The following CSNK1G1 variants were observed in gnomAD, a reference collection of about 807,000 sequenced individuals.
CSNK1G1 encodes casein kinase 1 gamma 1.
Under a neutral mutation model 59.6 loss-of-function variants are expected in CSNK1G1, and 22 were observed. The ratio of observed to expected loss-of-function variants is 0.37; its 90% CI spans 0.26 to 0.53. The LOEUF is 0.53. Among genes scored for constraint, CSNK1G1 ranks in the 20% least tolerant of loss-of-function variants. CSNK1G1 has a pLI of 0.89. For synonymous variants in CSNK1G1, 179 were observed against 177.1 expected, an observed-to-expected ratio of 1.01 and a Z score of -0.08; for missense variants, 384 against 519.5, an observed-to-expected ratio of 0.74 and a Z score of 2.54.
chr15:64,314,019 A>G (rs996854470), intron 1 of CSNK1G1, among the ~76,000 whole-genome samples: 1 of 152,216 alleles, frequency 6.6e-6, no homozygotes, highest in Admixed American at 6.5e-5. Flanking sequence ...TCACAAACAC[A>G]TGAATTAAAA....
At chr15:64,183,381 T>C (rs947366501) in intron 10 of CSNK1G1, among the ~76,000 whole-genome samples, 2 of 152,198 alleles carry the variant, frequency 1.3e-5, no homozygotes, top group African/African-American at 4.8e-5. Flanking sequence ...TTAAACTTAA[T>C]TGTACCAAAA....
chr15:64,293,089 A>T (rs1007444848), intron 2 of CSNK1G1, among the ~76,000 whole-genome samples: 1 of 152,174 alleles, frequency 6.6e-6, no homozygotes, highest in Non-Finnish European at 1.5e-5. Context: ...ATTCAGCAGA[A>T]GGCTCAAAAC....
At chr15:64,185,898 C>T (rs1164479314) in intron 10 of CSNK1G1, among the ~76,000 whole-genome samples, 2 of 149,820 alleles carry the variant, frequency 1.3e-5, no homozygotes, top group African/African-American at 4.9e-5. Context: ...AAGAAATATG[C>T]TTATTTTGTA....
At chr15:64,179,199 T>C (rs912866912) in intron 11 of CSNK1G1, among the ~76,000 whole-genome samples, 7 of 152,074 alleles carry the variant, frequency 4.6e-5, no homozygotes, top group Non-Finnish European at 1.0e-4. Context: ...TTAGCCATGA[T>C]CGTGCCACTG....
chr15:64,227,724 A>C (rs2082481151), intron 4 of CSNK1G1, among the ~76,000 whole-genome samples: 1 of 152,218 alleles, frequency 6.6e-6, no homozygotes. Context: ...TGTAAGGAAA[A>C]ACAGGGGAAG....
At chr15:64,266,307 A>G (rs1892983696) in intron 2 of CSNK1G1, among the ~76,000 whole-genome samples, 1 of 151,790 alleles carries the variant, frequency 6.6e-6, no homozygotes, top group Non-Finnish European at 1.5e-5. Flanking sequence ...TGATCCACTG[A>G]CCTCGTGATC....
chr15:64,291,610 T>A lies in CSNK1G1; in HGVS notation c.181+8709A>T, dbSNP rs1028200373. 4.6e-5 allele frequency among the ~76,000 whole-genome samples: 7 copies of A among 152,180 alleles called. No homozygotes were observed. In the South Asian group the frequency reaches 1.2e-3, roughly 27 times the overall value. ...TCTCAAAAATAAAATAAAATAAAAT[T>A]ATGTTTCATCTTAAGCCTGCATTCT... On this transcript the variant is annotated intron_variant, in intron 2 of 11. Transcript: ENST00000303052.
chr15:64,206,323 C>T (rs2082179600), intron 7 of CSNK1G1, among the ~76,000 whole-genome samples: 1 of 152,064 alleles, frequency 6.6e-6, no homozygotes, highest in South Asian at 2.1e-4. Context: ...GCCTGTAGTC[C>T]CAGCTACTCA....
At chr15:64,294,636 A>AGTG (rs1351498851) in intron 2 of CSNK1G1, among the ~76,000 whole-genome samples, 3 of 151,978 alleles carry the variant, frequency 2.0e-5, no homozygotes, top group Admixed American at 6.6e-5. Flanking sequence ...AAGGGCCAGG[A>AGTG]GTGGTGGCTC....
chr15:64,343,622 T>C (rs1046703140), intron 1 of CSNK1G1, among the ~76,000 whole-genome samples: 4 of 152,042 alleles, frequency 2.6e-5, no homozygotes, highest in African/African-American at 9.7e-5. Flanking sequence ...CCCCTCTAAA[T>C]TACTGTAATG....
In CSNK1G1 at chr15:64,216,509, G is replaced by C; in HGVS notation, c.444+53C>G. ...AGTAAATCACCAAAAGGCCCACAAGGATGTGGCTGAGGAACCAGCTTATTC... is the reference window on the plus strand; with the variant it reads ...AGTAAATCACCAAAAGGCCCACAAGCATGTGGCTGAGGAACCAGCTTATTC... On this transcript the variant is annotated intron_variant, in intron 5 of 11. Transcript: ENST00000303052. The surrounding 1 kb of genome is among the most constrained non-coding windows in gnomAD (Gnocchi z 4.6). The C allele has an allele frequency of 6.4e-7, 1 of 1,559,576 alleles. No individual in the cohort carries two copies. The highest frequency in any genetic ancestry group is 8.8e-7 in the Non-Finnish European group (1 of 1,134,236).
chr15:64,199,772 G>C (rs118049617), intron 10 of CSNK1G1, among the ~76,000 whole-genome samples: 8 of 152,052 alleles, frequency 5.3e-5, no homozygotes, highest in African/African-American at 1.9e-4. Context: ...AGAGTTGCTC[G>C]AACCCGGGAG....
chr15:64,173,819 G>A (rs2081707237), intron 11 of CSNK1G1, among the ~76,000 whole-genome samples: 1 of 151,750 alleles, frequency 6.6e-6, no homozygotes, highest in Admixed American at 6.6e-5. Flanking sequence ...TCACCATGTT[G>A]GCCGGGCTGG....
intron 1 of CSNK1G1, among the ~76,000 whole-genome samples, chr15:64,326,505 A>G (rs1896842827): frequency 6.6e-6 from 1 of 152,078 alleles, no homozygotes; most frequent in Admixed American, 6.5e-5. Flanking sequence ...TTAGCCGGGC[A>G]TGGTGGCAGG....
chr15:64,182,627 T>C (rs554917636), intron 10 of CSNK1G1, among the ~76,000 whole-genome samples: 1 of 152,318 alleles, frequency 6.6e-6, no homozygotes, highest in Admixed American at 6.5e-5. Context: ...TCTTCGTTCT[T>C]AGAAGATACA....
chr15:64,180,507 T>C, intron 10 of CSNK1G1, 53 bp from the exon 11 acceptor site: 1 of 1,252,974 alleles, frequency 8.0e-7, no homozygotes, highest in Non-Finnish European at 1.2e-6. Context: ...CAGAAATCTC[T>C]TGCCAGCGCC....
At chr15:64,173,426 A>G (rs993341316) in intron 11 of CSNK1G1, among the ~76,000 whole-genome samples, 7 of 152,220 alleles carry the variant, frequency 4.6e-5, no homozygotes, top group East Asian at 1.9e-4. Flanking sequence ...GAAAGTATCA[A>G]TGACATTTGT....
intron 1 of CSNK1G1, among the ~76,000 whole-genome samples, chr15:64,304,057 T>C (rs1895525188): frequency 1.3e-5 from 2 of 152,040 alleles, no homozygotes; most frequent in Admixed American, 1.3e-4. Flanking sequence ...AATTTTCTAA[T>C]CTATGCATGG....
chr15:64,303,523 G>A (rs541355942), intron 1 of CSNK1G1, among the ~76,000 whole-genome samples: 38 of 151,934 alleles, frequency 2.5e-4, no homozygotes, highest in Non-Finnish European at 4.4e-4. Flanking sequence ...AGGCCAAGGC[G>A]GGTGGATCAC....
Sources: gnomAD v4.1 joint callset for allele counts (sites outside exome capture counted in the v4.1 genomes callset) on GRCh38, gnomAD v4.1.1 for gene constraint, Gnocchi (gnomAD v3.1) non-coding constraint, MANE v1.5 for transcripts, NCBI Gene and HGNC (gene_info 2026-07-23, HGNC 2026-07-21) for gene names.